IQGAP2: variants seen among roughly 807,000 people sequenced by gnomAD.
IQGAP2 encodes the protein IQ motif containing GTPase activating protein 2, also known as ras GTPase-activating-like protein IQGAP2.
In IQGAP2, 173 loss-of-function variants were observed where a neutral mutation model predicts 201.3. The observed-to-expected ratio is 0.86, with a 90% confidence interval of 0.76 to 0.98. The LOEUF is 0.98. IQGAP2 is among the 50% of genes least tolerant of loss of function. The probability of loss-of-function intolerance (pLI) is 0.00; values close to 1 mark genes in which losing one functional copy is unlikely to be tolerated. For missense variants in IQGAP2, 1,687 were observed against 1,864.8 expected (o/e 0.90, Z 1.76); for synonymous variants, 675 against 673.9 (o/e 1.00, Z -0.03).
chr5:76,550,042 A>G (rs1335171766), intron 2 of IQGAP2, among the ~76,000 whole-genome samples: 1 of 152,132 alleles, frequency 6.6e-6, no homozygotes, highest in Non-Finnish European at 1.5e-5. Context: ...CCCAAATCTC[A>G]TCTAAATATC....
At chr5:76,688,719 C>G (rs1254593755) in intron 30 of IQGAP2, among the ~76,000 whole-genome samples, 1 of 151,862 alleles carries the variant, frequency 6.6e-6, no homozygotes, top group Non-Finnish European at 1.5e-5. Context: ...GAAAAAGGGA[C>G]CCACAATCTG....
chr5:76,701,681 T>C (rs1747407856), intron 34 of IQGAP2: 1 of 153,592 alleles, frequency 6.5e-6, no homozygotes, highest in Non-Finnish European at 1.4e-5. Flanking sequence ...TGCCTCCTTT[T>C]AAAGGGGTCA....
chr5:76,679,594 C>A (rs111783543), intron 28 of IQGAP2, among the ~76,000 whole-genome samples: 1,631 of 152,160 alleles, frequency 0.011, 34 homozygotes, highest in African/African-American at 0.036. Context: ...GAAATTTTTC[C>A]GAATAAAGGG....
intron 17 of IQGAP2, among the ~76,000 whole-genome samples, chr5:76,650,059 A>ACT (rs1752395021): frequency 6.6e-6 from 1 of 152,212 alleles, no homozygotes; most frequent in Non-Finnish European, 1.5e-5. Flanking sequence ...AAGGCTGTGC[A>ACT]GTGCATCAAG....
At chr5:76,640,388 A>G (rs1270351711) in intron 16 of IQGAP2, among the ~76,000 whole-genome samples, 1 of 151,994 alleles carries the variant, frequency 6.6e-6, no homozygotes, top group African/African-American at 2.4e-5. Context: ...ATTCTTCTAG[A>G]TTTCTGCTCT....
intron 2 of IQGAP2, among the ~76,000 whole-genome samples, chr5:76,472,965 C>T (rs181984216): frequency 1.3e-5 from 2 of 152,176 alleles, no homozygotes; most frequent in Admixed American, 6.5e-5. Flanking sequence ...CACATGGTCT[C>T]GATTCTCACA....
intron 30 of IQGAP2, among the ~76,000 whole-genome samples, chr5:76,690,682 A>C (rs1429014420): frequency 6.6e-6 from 1 of 152,238 alleles, no homozygotes; most frequent in Non-Finnish European, 1.5e-5. Context: ...TAATTCTAAT[A>C]ATATATTTTA....
At chr5:76,701,527 T>G (rs1249965640) in intron 34 of IQGAP2, among the ~76,000 whole-genome samples, 1 of 152,208 alleles carries the variant, frequency 6.6e-6, no homozygotes, top group Non-Finnish European at 1.5e-5. Flanking sequence ...TATCTACCAT[T>G]GCAAAATAGC....
chr5:76,602,954 G>A (rs1747532070), intron 11 of IQGAP2, among the ~76,000 whole-genome samples: 1 of 152,202 alleles, frequency 6.6e-6, no homozygotes, highest in Non-Finnish European at 1.5e-5. Flanking sequence ...TCTCACAAAA[G>A]TATTGTATGG....
In IQGAP2 at chr5:76,597,603, G is replaced by A; in HGVS notation, c.1071+1G>A. On this transcript the variant is annotated splice_donor_variant, in intron 10 of 35. Coordinates refer to ENST00000274364, the MANE Select transcript of IQGAP2 (RefSeq NM_006633.5). LOFTEE classifies it high-confidence loss of function. ...CAACCTCCAGAAACAGAACACCATG[G>A]TAAGTCAGAGGAGACCCCAGCTGTG... is the stretch of plus-strand genomic sequence containing the variant. The A allele has an allele frequency of 6.2e-7, 1 of 1,613,838 alleles. No individual in the cohort carries two copies. The highest frequency in any genetic ancestry group is 8.5e-7 in the Non-Finnish European group (1 of 1,179,926).
intron 32 of IQGAP2, among the ~76,000 whole-genome samples, chr5:76,696,427 A>T (rs1013026568): frequency 2.0e-5 from 3 of 152,204 alleles, no homozygotes; most frequent in Admixed American, 6.5e-5. Flanking sequence ...TGAGCAAAGG[A>T]TCTCAACTTA....
intron 5 of IQGAP2, among the ~76,000 whole-genome samples, chr5:76,577,224 T>TATGATAACA (rs3839247): frequency 6.6e-6 from 1 of 151,828 alleles, no homozygotes; most frequent in Admixed American, 6.6e-5. Flanking sequence ...TATGCTAAGT[T>TATGATAACA]CCTTTCTGGT....
At chr5:76,501,048 A>G (rs1233882897) in intron 2 of IQGAP2, among the ~76,000 whole-genome samples, 1 of 151,610 alleles carries the variant, frequency 6.6e-6, no homozygotes, top group Non-Finnish European at 1.5e-5. Context: ...CACCGTGTAC[A>G]TTTAAGGAAT....
chr5:76,443,929 G>A (rs904350831), intron 1 of IQGAP2, among the ~76,000 whole-genome samples: 5 of 152,156 alleles, frequency 3.3e-5, no homozygotes, highest in African/African-American at 4.8e-5. Context: ...GCTACAGGAG[G>A]GGATTGAATA....
At chr5:76,595,577 AG>A (rs1746970648) in intron 9 of IQGAP2, among the ~76,000 whole-genome samples, 2 of 89,182 alleles carry the variant, frequency 2.2e-5, no homozygotes, top group Non-Finnish European at 5.3e-5. Context: ...TGGGCAACAA[AG>A]AGAGACTCAG....
chr5:76,565,253 C>G (rs1356792015), intron 3 of IQGAP2, among the ~76,000 whole-genome samples: 2 of 152,092 alleles, frequency 1.3e-5, no homozygotes. Context: ...CAGCCCCAGC[C>G]CCTCGTGCCA....
intron 2 of IQGAP2, among the ~76,000 whole-genome samples, chr5:76,485,050 AG>A (rs1410999620): frequency 1.3e-5 from 2 of 152,136 alleles, no homozygotes; most frequent in Non-Finnish European, 2.9e-5. Context: ...TCTGGTCTCC[AG>A]CTCCTAAGCA....
intron 13 of IQGAP2, among the ~76,000 whole-genome samples, chr5:76,619,812 C>T (rs1043372464): frequency 1.3e-5 from 2 of 152,150 alleles, no homozygotes; most frequent in African/African-American, 4.8e-5. Context: ...GCCACCGCGC[C>T]CGGCCAGTTA....
At chr5:76,520,084 G>A (rs1404687087) in intron 2 of IQGAP2, among the ~76,000 whole-genome samples, 2 of 150,492 alleles carry the variant, frequency 1.3e-5, no homozygotes, top group Admixed American at 1.3e-4. Flanking sequence ...TTGTGCTTTT[G>A]GTGTCATATC....
Sources: allele counts gnomAD v4.1 joint callset (sites outside exome capture counted in the v4.1 genomes callset), GRCh38; gene constraint gnomAD v4.1.1; transcripts MANE v1.5; gene names NCBI Gene and HGNC (gene_info 2026-07-23, HGNC 2026-07-21).